CDK5RAP2: variants seen among roughly 807,000 people sequenced by gnomAD.
The protein encoded by CDK5RAP2 is CDK5 regulatory subunit associated protein 2, also known as CDK5 regulatory subunit-associated protein 2.
CDK5RAP2 carries 147 observed loss-of-function variants against 232.9 expected under a neutral mutation model. The observed-to-expected ratio is 0.63, with a 90% CI of 0.55 to 0.72. CDK5RAP2 has a LOEUF of 0.72. Ranked by LOEUF, CDK5RAP2 falls within the 30% of genes least tolerant of loss-of-function variation. The pLI, the probability that CDK5RAP2 is intolerant of heterozygous loss-of-function variation, is 0.00. For synonymous variants in CDK5RAP2, 833 were observed against 833.7 expected, an observed-to-expected ratio of 1.00 and a Z score of 0.01; for missense variants, 2,195 against 2,231.5, an observed-to-expected ratio of 0.98 and a Z score of 0.33.
At chr9:120,462,019 T>C (rs1230110614) in intron 18 of CDK5RAP2, among the ~76,000 whole-genome samples, 2 of 152,236 alleles carry the variant, frequency 1.3e-5, no homozygotes, top group South Asian at 2.1e-4. Context: ...CTCTCTGTTT[T>C]TCCTTTCAGA....
At position 120,580,165 on chromosome 9, in the gene CDK5RAP2, A is replaced by G. The variant is rs1221984883; in HGVS notation, c.-187T>C. ...CTTTCCCGGCGCTTCTTCCTACGGA[A>G]ACGAGGCGGGGTCACGGAGGCGCAC... is the stretch of plus-strand genomic sequence containing the variant. On this transcript the variant is annotated 5_prime_UTR_variant, in exon 1 of 38. Transcript: ENST00000349780. 5 of 576,748 alleles carry G rather than the reference A, an allele frequency of 8.7e-6. No individual in the cohort carries two copies. Among genetic ancestry groups the G allele is most frequent in the Non-Finnish European group, 1.2e-5 (4 of 320,600 alleles). The allele number at this position is 576,748 out of a possible 1,614,324, so 35.7% of individuals were successfully genotyped here.
At chr9:120,547,272 G>A (rs553845952) in intron 4 of CDK5RAP2, among the ~76,000 whole-genome samples, 1 of 152,076 alleles carries the variant, frequency 6.6e-6, no homozygotes, top group Non-Finnish European at 1.5e-5. Context: ...TTACAGGCGT[G>A]AGCCACCGCA....
At chr9:120,494,185 CAT>C (rs2039044616) in intron 12 of CDK5RAP2, among the ~76,000 whole-genome samples, 1 of 148,058 alleles carries the variant, frequency 6.8e-6, no homozygotes, top group Non-Finnish European at 1.5e-5. Flanking sequence ...ATTGGAAAGA[CAT>C]AGAAATATAA....
Position 120,496,845 on chromosome 9 carries a change from G to A in CDK5RAP2, c.1312-5368C>T, listed in dbSNP as rs1362251159. ...CGTCCGGGAGGTGAGGGGCGCCTCT[G>A]CCCGGCCGCCCCTACTGGGAGGTGG... On this transcript the variant is annotated intron_variant, in intron 12 of 37. Coordinates refer to ENST00000349780, the MANE Select transcript of CDK5RAP2 (RefSeq NM_018249.6). Among the ~76,000 whole-genome samples, 17 of 141,598 alleles carry A rather than the reference G, an allele frequency of 1.2e-4. No homozygotes were observed. The South Asian group carries it at 3.5e-3, about 29-fold the overall frequency. The allele number at this position is 141,598 out of a possible 152,430, so 92.9% of individuals were successfully genotyped here. A position where few individuals can be genotyped will look rare whatever the true frequency, so the allele number is the denominator to read the frequency against.
chr9:120,524,807 T>C (rs1405642615), intron 11 of CDK5RAP2, among the ~76,000 whole-genome samples, 179 bp downstream of exon 11: 1 of 152,174 alleles, frequency 6.6e-6, no homozygotes, highest in Admixed American at 6.5e-5. Context: ...AGGAGGGGGC[T>C]GGAAAAGCTC....
chr9:120,487,488 T>C (rs953622596), intron 13 of CDK5RAP2, 51 bp from the exon 14 acceptor site: 7 of 1,405,190 alleles, frequency 5.0e-6, no homozygotes, highest in Non-Finnish European at 6.8e-6. Context: ...AAAAAAAATA[T>C]TAAGAAACTG....
At chr9:120,501,025 A>G (rs2039549861) in intron 12 of CDK5RAP2, among the ~76,000 whole-genome samples, 1 of 152,200 alleles carries the variant, frequency 6.6e-6, no homozygotes, top group Non-Finnish European at 1.5e-5. Flanking sequence ...CTGTGTGTCA[A>G]GCACCTACCA....
At chr9:120,545,432 TG>T (rs879690116) in intron 5 of CDK5RAP2, among the ~76,000 whole-genome samples, 87 of 152,300 alleles carry the variant, frequency 5.7e-4, no homozygotes, top group Middle Eastern at 3.4e-3. Context: ...AGAGGGCTTC[TG>T]GGGGGCTGGC....
intron 20 of CDK5RAP2, among the ~76,000 whole-genome samples, chr9:120,454,414 C>A (rs1049601336): frequency 3.9e-5 from 6 of 152,222 alleles, no homozygotes; most frequent in African/African-American, 1.4e-4. Context: ...GTAGAAAGCG[C>A]ATTGGCTCTG....
intron 2 of CDK5RAP2, among the ~76,000 whole-genome samples, chr9:120,568,636 A>G (rs543464023): frequency 5.9e-5 from 9 of 152,354 alleles, no homozygotes; most frequent in South Asian, 2.1e-4. Context: ...CAAACACATC[A>G]GGCATTTTGC....
chr9:120,399,431 T>G (rs2032799184), intron 35 of CDK5RAP2, among the ~76,000 whole-genome samples: 1 of 152,098 alleles, frequency 6.6e-6, no homozygotes, highest in South Asian at 2.1e-4. Flanking sequence ...TGAAGGAAAA[T>G]AGAGGAAGAC....
intron 19 of CDK5RAP2, 90 bp from the exon 20 acceptor site, chr9:120,458,712 T>C (rs2036923075): frequency 8.7e-7 from 1 of 1,145,456 alleles, no homozygotes; most frequent in African/African-American, 1.5e-5. Flanking sequence ...GGTAAGTGAG[T>C]AAGTGAAAAT....
Position 120,448,065 on chromosome 9 carries a change from T to C in CDK5RAP2, c.2855A>G (p.Tyr952Cys). Residue 952 changes from tyrosine to cysteine, a missense_variant, in exon 22 of 38, where the codon TAT (tyrosine) becomes TGT (cysteine). Physicochemically the swap from Tyr to Cys is radical, Grantham distance 194. Transcript: ENST00000349780. ...CACCTCCTGGGTGGCAGGGAGACGA[T>C]ACATATTTCCTAATGACCGGGATGG... ...IKPSRSLGNMYRLPATQEVVT... is the reference protein window; with the variant it reads ...IKPSRSLGNMCRLPATQEVVT... 1.2e-6 allele frequency: 2 copies of C among 1,614,166 alleles called. No homozygotes were observed. The highest frequency in any genetic ancestry group is 8.5e-7 in the Non-Finnish European group (1 of 1,180,016).
chr9:120,571,036 G>A (rs2042836421), intron 2 of CDK5RAP2, among the ~76,000 whole-genome samples: 2 of 152,182 alleles, frequency 1.3e-5, no homozygotes, highest in South Asian at 2.1e-4. Context: ...GCACACGCCT[G>A]TAGTCCCAGA....
chr9:120,434,345 G>A (rs1199753970), intron 25 of CDK5RAP2, among the ~76,000 whole-genome samples: 1 of 152,144 alleles, frequency 6.6e-6, no homozygotes, highest in East Asian at 1.9e-4. Flanking sequence ...AGGAGAGGGT[G>A]GGGCGGCAGA....
chr9:120,465,616 T>G (rs888093824), intron 18 of CDK5RAP2, among the ~76,000 whole-genome samples: 5 of 151,012 alleles, frequency 3.3e-5, no homozygotes, highest in Middle Eastern at 3.5e-3. Flanking sequence ...GGAAAATAAA[T>G]AAATAAATGA....
intron 22 of CDK5RAP2, among the ~76,000 whole-genome samples, chr9:120,445,288 TC>T (rs1406316380): frequency 6.6e-6 from 1 of 152,164 alleles, no homozygotes; most frequent in Non-Finnish European, 1.5e-5. Context: ...ACCTGAAAAT[TC>T]CACTTTTGCA....
chr9:120,407,552 T>C, intron 31 of CDK5RAP2: 1 of 411,588 alleles, frequency 2.4e-6, no homozygotes, highest in East Asian at 5.0e-5. Flanking sequence ...TGGGCTAGAA[T>C]TATAGAATGA....
chr9:120,527,076 T>C (rs1470206037), intron 10 of CDK5RAP2, among the ~76,000 whole-genome samples: 2 of 152,116 alleles, frequency 1.3e-5, no homozygotes, highest in East Asian at 3.9e-4. Flanking sequence ...TCTTCCCCAA[T>C]AGACTTGCAA....
Sources: gnomAD v4.1 joint callset for allele counts (sites outside exome capture counted in the v4.1 genomes callset) on GRCh38, gnomAD v4.1.1 for gene constraint, MANE v1.5 for transcripts, NCBI Gene and HGNC (gene_info 2026-07-23, HGNC 2026-07-21) for gene names.